TRMT61B: variants seen among roughly 807,000 people sequenced by gnomAD.
TRMT61B encodes tRNA methyltransferase 61B.
In TRMT61B, 56 loss-of-function variants were observed where a neutral mutation model predicts 52.0. The ratio of observed to expected loss-of-function variants is 1.08; its 90% CI spans 0.87 to 1.35. The LOEUF is 1.35. Among genes scored for constraint, TRMT61B ranks in the 40% most tolerant of loss-of-function variants. TRMT61B has a pLI of 0.00. For missense variants in TRMT61B, 650 were observed against 577.9 expected, an observed-to-expected ratio of 1.12 and a Z score of -1.28; for synonymous variants, 206 against 220.0, an observed-to-expected ratio of 0.94 and a Z score of 0.56.
intron 2 of TRMT61B, among the ~76,000 whole-genome samples, chr2:28,862,336 T>TG (rs1253142564): frequency 2.0e-5 from 3 of 146,768 alleles, no homozygotes; most frequent in Non-Finnish European, 4.5e-5. Context: ...GAGTTTGGTT[T>TG]TTTTTTTTTT....
In TRMT61B at chr2:28,867,181, A is replaced by C. The variant is rs146307797; in HGVS notation, c.700-2062T>G. On this transcript the variant is annotated intron_variant, in intron 1 of 6. Coordinates refer to ENST00000306108, the MANE Select transcript of TRMT61B (RefSeq NM_017910.4). The stretch of plus-strand genomic sequence containing the variant: ...CAAGATCATGGCTCGCTGCAGCCTC[A>C]AACTCCTGGGCTCAAACAATCCTCC... 7.4e-3 allele frequency among the ~76,000 whole-genome samples: 1,096 copies of C among 148,438 alleles called. 11 individuals carry two copies. Among genetic ancestry groups the C allele is most frequent in the African/African-American group, 0.025 (990 of 40,118 alleles).
chr2:28,864,948 C>G (rs55785599), intron 2 of TRMT61B, 69 bp downstream of exon 2: 1 of 925,222 alleles, frequency 1.1e-6, no homozygotes, highest in Non-Finnish European at 1.7e-6. Context: ...ATCTTTATAC[C>G]TTTCTGTTAT....
chr2:28,867,650 A>G (rs1163915911), intron 1 of TRMT61B, among the ~76,000 whole-genome samples: 1 of 152,234 alleles, frequency 6.6e-6, no homozygotes, highest in Admixed American at 6.5e-5. Context: ...CTAAATATGC[A>G]TATTTATAAC....
chr2:28,864,593 T>C (rs912074619), intron 2 of TRMT61B, among the ~76,000 whole-genome samples: 1 of 152,170 alleles, frequency 6.6e-6, no homozygotes, highest in South Asian at 2.1e-4. Context: ...CCTTTGGTGA[T>C]GATAAGGACT....
intron 3 of TRMT61B, 22 bp from the exon 4 acceptor site, chr2:28,852,521 C>T (rs1272865975): frequency 6.9e-7 from 1 of 1,454,564 alleles, no homozygotes; most frequent in Non-Finnish European, 9.6e-7. Context: ...AAAAAGAGAA[C>T]TGGATCAGTC....
At chr2:28,863,825 C>T (rs1030309737) in intron 2 of TRMT61B, among the ~76,000 whole-genome samples, 1 of 152,144 alleles carries the variant, frequency 6.6e-6, no homozygotes, top group African/African-American at 2.4e-5. Flanking sequence ...CAGCATATTT[C>T]TATCTGTAAT....
At chr2:28,852,362 T>C (rs1376084745) in intron 4 of TRMT61B, 46 bp downstream of exon 4, 1 of 1,079,590 alleles carries the variant, frequency 9.3e-7, no homozygotes, top group Non-Finnish European at 1.3e-6. Flanking sequence ...TAAGCAAAAG[T>C]GCACTTAAAA....
At chr2:28,864,025 T>C (rs1376493888) in intron 2 of TRMT61B, among the ~76,000 whole-genome samples, 1 of 152,104 alleles carries the variant, frequency 6.6e-6, no homozygotes, top group Non-Finnish European at 1.5e-5. Flanking sequence ...TGAAAAAATA[T>C]ATATGTTTAA....
chr2:28,867,432 A>AT (rs1277250213), intron 1 of TRMT61B, among the ~76,000 whole-genome samples: 2 of 152,138 alleles, frequency 1.3e-5, no homozygotes, highest in Non-Finnish European at 2.9e-5. Context: ...GAATTATGTA[A>AT]TTCTAACAGG....
chr2:28,855,640 T>A (rs1205403091), intron 3 of TRMT61B, among the ~76,000 whole-genome samples: 4 of 152,076 alleles, frequency 2.6e-5, no homozygotes, highest in Non-Finnish European at 5.9e-5. Context: ...AAATAAGAAT[T>A]CAGGTTTGGA....
chr2:28,851,740 G>A (rs1669106724), intron 4 of TRMT61B, among the ~76,000 whole-genome samples: 1 of 151,808 alleles, frequency 6.6e-6, no homozygotes, highest in Non-Finnish European at 1.5e-5. Context: ...TTAGCCGGGT[G>A]TGGTGGCGCA....
At chr2:28,850,468 C>G (rs1023817752) in intron 5 of TRMT61B, 63 bp from the exon 6 acceptor site, 6 of 1,128,996 alleles carry the variant, frequency 5.3e-6, no homozygotes, top group South Asian at 4.4e-5. Flanking sequence ...TTTCACAAAA[C>G]TGTTAAAATA....
chr2:28,870,035 A>G lies in TRMT61B; in HGVS notation c.243T>C (p.Cys81=), dbSNP rs889148463. The change falls in exon 1 of 7, where the codon TGT becomes TGC. Residue 81 remains cysteine (C), a synonymous_variant. Transcript: ENST00000306108. ...GTCTGAGGTTTTCCAGTGACGAAAG[A>G]CATCCAGTCCCAATGTCCGAGATGC... The part of the protein sequence containing the change: ...PLSISDIGTG[C]LSSLENLRLP... 2.5e-6 allele frequency: 4 copies of G among 1,613,784 alleles called. No homozygotes were observed. Among genetic ancestry groups the G allele is most frequent in the Non-Finnish European group, 3.4e-6 (4 of 1,179,986 alleles).
chr2:28,862,261 T>C (rs1257724157), intron 2 of TRMT61B, among the ~76,000 whole-genome samples: 1 of 150,664 alleles, frequency 6.6e-6, no homozygotes, highest in Non-Finnish European at 1.5e-5. Context: ...CCCTAAGTTA[T>C]TGAACTTTTT....
intron 1 of TRMT61B, among the ~76,000 whole-genome samples, chr2:28,867,282 A>C (rs1204262888): frequency 6.6e-6 from 1 of 151,918 alleles, no homozygotes; most frequent in Non-Finnish European, 1.5e-5. Context: ...TTTTGTAGAG[A>C]CAAGGTCTCC....
chr2:28,869,464 A>AGATCTCGGTGGTCGCCGTAT, intron 1 of TRMT61B, 115 bp downstream of exon 1: 4 of 700,130 alleles, frequency 5.7e-6, no homozygotes, highest in South Asian at 2.2e-5. Context: ...AAGCCTGAGT[A>AGATCTCGGTGGTCGCCGTAT]CAATAAAAAA....
At chr2:28,865,202 G>T in intron 1 of TRMT61B, 83 bp from the exon 2 acceptor site, 1 of 754,660 alleles carries the variant, frequency 1.3e-6, no homozygotes, top group South Asian at 1.7e-5. Context: ...TGTTGGGTGT[G>T]CAGAAGAAGG....
At chr2:28,868,142 G>A (rs1430701561) in intron 1 of TRMT61B, among the ~76,000 whole-genome samples, 4 of 152,084 alleles carry the variant, frequency 2.6e-5, no homozygotes, top group Non-Finnish European at 5.9e-5. Context: ...ATACAGACTG[G>A]ATTCCTACTA....
At chr2:28,851,553 C>T (rs1669096763) in intron 4 of TRMT61B, among the ~76,000 whole-genome samples, 1 of 152,156 alleles carries the variant, frequency 6.6e-6, no homozygotes, top group Non-Finnish European at 1.5e-5. Context: ...AGAAAATATG[C>T]ATCTTATATT....
Sources: allele counts gnomAD v4.1 joint callset (sites outside exome capture counted in the v4.1 genomes callset), GRCh38; gene constraint gnomAD v4.1.1; transcripts MANE v1.5; gene names NCBI Gene and HGNC (gene_info 2026-07-23, HGNC 2026-07-21).